SNTG1: variants seen among roughly 807,000 people sequenced by gnomAD.
The protein encoded by SNTG1 is syntrophin gamma 1, also known as gamma-1-syntrophin.
In SNTG1, 39 loss-of-function variants were observed where a neutral mutation model predicts 74.7. The ratio of observed to expected loss-of-function variants is 0.52; its 90% CI spans 0.40 to 0.68. The LOEUF (loss-of-function observed/expected upper bound fraction) is 0.68, where lower values mean the gene tolerates loss of function less well. SNTG1 is among the 30% of genes least tolerant of loss of function. The pLI is 0.00. For synonymous variants in SNTG1, 254 were observed against 217.1 expected (o/e 1.17, Z -1.49); for missense variants, 685 against 609.5 (o/e 1.12, Z -1.30).
At chr8:50,732,759 A>C (rs533706329) in intron 17 of SNTG1, among the ~76,000 whole-genome samples, 5 of 151,920 alleles carry the variant, frequency 3.3e-5, no homozygotes, top group Non-Finnish European at 7.4e-5. Context: ...TAGTTAATAT[A>C]ATTTTCAGTG....
At chr8:50,261,315 T>C (rs2087182413) in intron 2 of SNTG1, among the ~76,000 whole-genome samples, 1 of 152,168 alleles carries the variant, frequency 6.6e-6, no homozygotes, top group African/African-American at 2.4e-5. Flanking sequence ...GAAATTATTC[T>C]TCAAAAGTAA....
chr8:50,114,484 T>C (rs1197883164), intron 1 of SNTG1, among the ~76,000 whole-genome samples: 1 of 152,078 alleles, frequency 6.6e-6, no homozygotes, highest in Admixed American at 6.6e-5. Context: ...GTCAAACCCA[T>C]AGAAGCAGCA....
intron 8 of SNTG1, among the ~76,000 whole-genome samples, chr8:50,470,821 A>T (rs899149163): frequency 2.6e-5 from 4 of 152,136 alleles, no homozygotes; most frequent in African/African-American, 9.7e-5. Flanking sequence ...CACAGAATAG[A>T]AGGGGACCCC....
chr8:50,139,787 G>A (rs1361784481), intron 1 of SNTG1, among the ~76,000 whole-genome samples: 1 of 152,210 alleles, frequency 6.6e-6, no homozygotes, highest in African/African-American at 2.4e-5. Context: ...ACATTCCCCA[G>A]ATACCTGGCA....
chr8:50,397,733 T>G (rs935205934), intron 3 of SNTG1, among the ~76,000 whole-genome samples: 2 of 152,232 alleles, frequency 1.3e-5, no homozygotes, highest in African/African-American at 4.8e-5. Flanking sequence ...TGTCATTGTA[T>G]ACAGGACAAC....
At chr8:50,672,372 C>T (rs2095288251) in intron 15 of SNTG1, among the ~76,000 whole-genome samples, 1 of 152,088 alleles carries the variant, frequency 6.6e-6, no homozygotes, top group South Asian at 2.1e-4. Context: ...TTAATAATCA[C>T]CATTCTAACT....
chr8:50,698,546 A>T (rs1037999165), intron 15 of SNTG1, among the ~76,000 whole-genome samples: 2 of 152,016 alleles, frequency 1.3e-5, no homozygotes, highest in African/African-American at 4.8e-5. Flanking sequence ...CCCATGCCAT[A>T]CTTGATTCTC....
intron 1 of SNTG1, among the ~76,000 whole-genome samples, chr8:50,053,984 A>T (rs1819810025): frequency 6.6e-6 from 1 of 152,120 alleles, no homozygotes; most frequent in Non-Finnish European, 1.5e-5. Context: ...AGGCATCTCA[A>T]GCAATCCAGA....
At chr8:50,413,039 A>G (rs928130347) in intron 4 of SNTG1, among the ~76,000 whole-genome samples, 1 of 152,242 alleles carries the variant, frequency 6.6e-6, no homozygotes, top group African/African-American at 2.4e-5. Flanking sequence ...GGAAACTAAA[A>G]TCAGTTAATT....
chr8:50,046,940 G>C (rs1819139959), intron 1 of SNTG1, among the ~76,000 whole-genome samples: 1 of 152,108 alleles, frequency 6.6e-6, no homozygotes, highest in African/African-American at 2.4e-5. Context: ...ACACTTTACT[G>C]TTCCAAAGAT....
At chr8:49,966,404 T>A (rs912262845) in intron 1 of SNTG1, among the ~76,000 whole-genome samples, 4 of 151,786 alleles carry the variant, frequency 2.6e-5, no homozygotes, top group African/African-American at 4.8e-5. Context: ...TTAATTAATT[T>A]TTTTTTTTTT....
intron 16 of SNTG1, chr8:50,708,243 A>T (rs1344691904): frequency 1.3e-5 from 2 of 155,792 alleles, no homozygotes; most frequent in African/African-American, 4.8e-5. Context: ...ATATTATCTG[A>T]TCTCATTGTG....
At chr8:50,487,641 A>G (rs1169390841) in intron 8 of SNTG1, among the ~76,000 whole-genome samples, 1 of 150,854 alleles carries the variant, frequency 6.6e-6, no homozygotes, top group African/African-American at 2.4e-5. Flanking sequence ...GAACAATGAG[A>G]ACACATGGAC....
At chr8:50,284,811 C>A (rs1280432464) in intron 2 of SNTG1, among the ~76,000 whole-genome samples, 1 of 151,976 alleles carries the variant, frequency 6.6e-6, no homozygotes, top group Non-Finnish European at 1.5e-5. Flanking sequence ...TTATTTATAT[C>A]TATCTAGATA....
At chr8:50,732,364 C>A (rs550161133) in intron 17 of SNTG1, among the ~76,000 whole-genome samples, 52 of 145,890 alleles carry the variant, frequency 3.6e-4, no homozygotes, top group African/African-American at 1.3e-3. Context: ...CAGTGAGGTA[C>A]TTTGGCAGAC....
At chr8:50,394,340 T>A in intron 3 of SNTG1, 75 bp downstream of exon 3, 1 of 1,480,702 alleles carries the variant, frequency 6.8e-7, no homozygotes, top group Non-Finnish European at 9.3e-7. Context: ...CCAATTTATA[T>A]AGGGAAATTC....
intron 8 of SNTG1, among the ~76,000 whole-genome samples, chr8:50,483,089 A>G (rs1250726598): frequency 1.3e-5 from 2 of 152,194 alleles, no homozygotes; most frequent in Non-Finnish European, 2.9e-5. Flanking sequence ...TTATTTTTAG[A>G]TATTTGCACT....
chr8:50,669,069 C>T (rs894416124), intron 15 of SNTG1, among the ~76,000 whole-genome samples: 1 of 151,782 alleles, frequency 6.6e-6, no homozygotes, highest in African/African-American at 2.4e-5. Context: ...GCAATAAATG[C>T]CCACAAGAGA....
chr8:50,309,488 C>T (rs10504102), intron 2 of SNTG1, among the ~76,000 whole-genome samples: 1 of 151,998 alleles, frequency 6.6e-6, no homozygotes, highest in African/African-American at 2.4e-5. Flanking sequence ...AAATGAATTT[C>T]GTATCAGATG....
Sources: gnomAD v4.1 joint callset for allele counts (sites outside exome capture counted in the v4.1 genomes callset) on GRCh38, gnomAD v4.1.1 for gene constraint, MANE v1.5 for transcripts, NCBI Gene and HGNC (gene_info 2026-07-23, HGNC 2026-07-21) for gene names.